Variants in ZNF385D observed in about 807,000 individuals in gnomAD.
The protein encoded by ZNF385D is zinc finger protein 385D.
Under a neutral mutation model 35.8 loss-of-function variants are expected in ZNF385D, and 15 were observed. The observed-to-expected ratio is 0.42, with a 90% CI of 0.28 to 0.64. The LOEUF (loss-of-function observed/expected upper bound fraction) is 0.64. Ranked by LOEUF, ZNF385D falls within the 30% of genes least tolerant of loss-of-function variation. The pLI is 0.23. For missense variants in ZNF385D, 474 were observed against 494.6 expected (o/e 0.96, Z 0.39); for synonymous variants, 212 against 186.8 (o/e 1.13, Z -1.10).
chr3:22,314,942 G>A (rs1703802795), intron 2 of ZNF385D, among the ~76,000 whole-genome samples: 1 of 152,114 alleles, frequency 6.6e-6, no homozygotes, highest in Non-Finnish European at 1.5e-5. Context: ...GAAAATGAAT[G>A]GATGTGGAGT....
intron 3 of ZNF385D, among the ~76,000 whole-genome samples, chr3:21,930,183 A>T (rs1575941889): frequency 6.6e-6 from 1 of 152,220 alleles, no homozygotes; most frequent in Middle Eastern, 3.4e-3. Context: ...CAAGAAAGTT[A>T]AAGGGGTGAA....
intron 3 of ZNF385D, among the ~76,000 whole-genome samples, chr3:22,137,370 A>T (rs905811828): frequency 3.3e-5 from 5 of 152,176 alleles, no homozygotes; most frequent in African/African-American, 1.2e-4. Flanking sequence ...CACAACAAAA[A>T]AAGAGAATTT....
At chr3:22,029,703 GTGT>G (rs1697804132) in intron 3 of ZNF385D, among the ~76,000 whole-genome samples, 1 of 152,006 alleles carries the variant, frequency 6.6e-6, no homozygotes, top group Non-Finnish European at 1.5e-5. Flanking sequence ...TCACATTTAA[GTGT>G]TGTTAACTTT....
At chr3:21,904,006 T>G (rs1002058025) in intron 3 of ZNF385D, among the ~76,000 whole-genome samples, 1 of 152,098 alleles carries the variant, frequency 6.6e-6, no homozygotes, top group African/African-American at 2.4e-5. Context: ...TGTATACAAT[T>G]TATTATTATA....
At chr3:21,973,057 C>T (rs1274688079) in intron 3 of ZNF385D, among the ~76,000 whole-genome samples, 2 of 151,938 alleles carry the variant, frequency 1.3e-5, no homozygotes, top group Non-Finnish European at 2.9e-5. Context: ...TACTTCCAAA[C>T]TCATTCTATG....
intron 3 of ZNF385D, among the ~76,000 whole-genome samples, chr3:22,097,006 C>T (rs1001535618): frequency 3.3e-5 from 5 of 152,046 alleles, no homozygotes; most frequent in Non-Finnish European, 5.9e-5. Flanking sequence ...AGTTACCATG[C>T]TGTAAGCAAG....
intron 3 of ZNF385D, among the ~76,000 whole-genome samples, chr3:21,758,474 G>C (rs1339514461): frequency 6.6e-6 from 1 of 152,108 alleles, no homozygotes; most frequent in Non-Finnish European, 1.5e-5. Flanking sequence ...ACCCAGCTAG[G>C]AACCAGAGGG....
chr3:21,931,578 TC>T (rs1701009606), intron 3 of ZNF385D, among the ~76,000 whole-genome samples: 1 of 152,144 alleles, frequency 6.6e-6, no homozygotes, highest in Non-Finnish European at 1.5e-5. Context: ...GTGGAACATG[TC>T]TCAGCAATAA....
chr3:22,296,710 C>T (rs886741448), intron 2 of ZNF385D, among the ~76,000 whole-genome samples: 1 of 152,072 alleles, frequency 6.6e-6, no homozygotes, highest in African/African-American at 2.4e-5. Context: ...AGAGAGCATA[C>T]CTCTGCAGCT....
intron 1 of ZNF385D, among the ~76,000 whole-genome samples, chr3:21,728,279 T>TATAATAATAATAATA (rs111369677): frequency 8.5e-4 from 123 of 144,878 alleles, no homozygotes; most frequent in African/African-American, 2.9e-3. Flanking sequence ...GAACTTAAAG[T>TATAATAATAATAATA]ATAATAATAA....
At chr3:22,236,499 T>C (rs1380238003) in intron 2 of ZNF385D, among the ~76,000 whole-genome samples, 3 of 152,152 alleles carry the variant, frequency 2.0e-5, no homozygotes, top group Non-Finnish European at 4.4e-5. Context: ...ATGCATGAAT[T>C]GAAAATTTTT....
chr3:22,200,770 G>T (rs978509592), intron 2 of ZNF385D, among the ~76,000 whole-genome samples: 1 of 151,974 alleles, frequency 6.6e-6, no homozygotes, highest in Non-Finnish European at 1.5e-5. Flanking sequence ...ACCCCCAGGC[G>T]CCTATTCTCT....
chr3:22,256,041 G>A (rs1388922656), intron 2 of ZNF385D, among the ~76,000 whole-genome samples: 1 of 151,646 alleles, frequency 6.6e-6, no homozygotes, highest in African/African-American at 2.4e-5. Flanking sequence ...AATTAGACAA[G>A]AAAAACTGGC....
At chr3:22,105,861 T>C (rs1208632563) in intron 3 of ZNF385D, among the ~76,000 whole-genome samples, 1 of 152,142 alleles carries the variant, frequency 6.6e-6, no homozygotes, top group East Asian at 1.9e-4. Flanking sequence ...GACCTAGGCA[T>C]TTTGACATAT....
chr3:22,262,456 T>C (rs1159720826), intron 2 of ZNF385D, among the ~76,000 whole-genome samples: 2 of 151,966 alleles, frequency 1.3e-5, no homozygotes, highest in African/African-American at 4.8e-5. Flanking sequence ...TCTTTTATTT[T>C]AAAAATATTA....
intron 3 of ZNF385D, among the ~76,000 whole-genome samples, chr3:22,072,727 G>C (rs958176578): frequency 1.6e-4 from 24 of 151,882 alleles, no homozygotes; most frequent in African/African-American, 5.5e-4. Flanking sequence ...CACGAGTAAA[G>C]TCAGACAAGG....
At chr3:21,695,536 C>A (rs143815768) in intron 1 of ZNF385D, among the ~76,000 whole-genome samples, 1 of 152,102 alleles carries the variant, frequency 6.6e-6, no homozygotes, top group Non-Finnish European at 1.5e-5. Context: ...GACCAATAGC[C>A]CATCCAGCTA....
At chr3:21,872,977 C>T (rs761687609) in intron 3 of ZNF385D, among the ~76,000 whole-genome samples, 4 of 152,084 alleles carry the variant, frequency 2.6e-5, no homozygotes, top group African/African-American at 7.2e-5. Context: ...ACCACTATTT[C>T]GTGCCAGTCG....
At chr3:22,265,076 G>A (rs2125351703) in intron 2 of ZNF385D, among the ~76,000 whole-genome samples, 1 of 151,932 alleles carries the variant, frequency 6.6e-6, no homozygotes, top group South Asian at 2.1e-4. Context: ...TTACATCACT[G>A]GGATAGAATG....
Sources: gnomAD v4.1 joint callset for allele counts (sites outside exome capture counted in the v4.1 genomes callset) on GRCh38, gnomAD v4.1.1 for gene constraint, MANE v1.5 for transcripts, NCBI Gene and HGNC (gene_info 2026-07-23, HGNC 2026-07-21) for gene names.